Variants in BCAS1 observed in about 807,000 individuals in gnomAD.
The protein encoded by BCAS1 is brain enriched myelin associated protein 1.
A neutral mutation model predicts 65.4 loss-of-function variants in BCAS1; 46 were observed. That is an observed-to-expected ratio of 0.70 (90% CI 0.55 to 0.90). The LOEUF is 0.90. Among genes scored for constraint, BCAS1 ranks in the 40% least tolerant of loss-of-function variants. The probability of loss-of-function intolerance (pLI) is 0.00; values close to 1 mark genes in which losing one functional copy is unlikely to be tolerated. For missense variants in BCAS1, 793 were observed against 771.2 expected, an observed-to-expected ratio of 1.03 and a Z score of -0.33; for synonymous variants, 298 against 293.5, an observed-to-expected ratio of 1.02 and a Z score of -0.16.
intron 9 of BCAS1, among the ~76,000 whole-genome samples, chr20:53,973,248 A>G (rs1654884899): frequency 6.6e-6 from 1 of 152,156 alleles, no homozygotes. Context: ...AAACAAACAC[A>G]CAAACAGAAA....
intron 11 of BCAS1, among the ~76,000 whole-genome samples, chr20:53,954,556 T>A (rs1435995776): frequency 6.6e-6 from 1 of 152,240 alleles, no homozygotes; most frequent in East Asian, 1.9e-4. Flanking sequence ...GATGATTGTT[T>A]TATTAGTTTG....
chr20:53,996,497 A>G (rs1032878128), intron 4 of BCAS1, among the ~76,000 whole-genome samples: 19 of 151,926 alleles, frequency 1.3e-4, no homozygotes, highest in African/African-American at 9.7e-5. Flanking sequence ...AAGAAAAAGA[A>G]AAAGTACTGG....
chr20:53,993,611 C>A (rs1294352129), intron 6 of BCAS1, among the ~76,000 whole-genome samples: 1 of 152,122 alleles, frequency 6.6e-6, no homozygotes, highest in Non-Finnish European at 1.5e-5. Flanking sequence ...AGAATGAGTG[C>A]ATCAGGTCAC....
chr20:53,946,171 G>A (rs1225757947), intron 12 of BCAS1, among the ~76,000 whole-genome samples: 4 of 151,908 alleles, frequency 2.6e-5, no homozygotes, highest in African/African-American at 4.8e-5. Flanking sequence ...TATGAGGTTA[G>A]ACCAACACAA....
rs1190491434 is a variant in BCAS1 at position 54,028,871 on chromosome 20, T to G, written c.244A>C (p.Lys82Gln). 1 of 1,613,936 alleles carries G rather than the reference T, an allele frequency of 6.2e-7. No homozygotes were observed. The highest frequency in any genetic ancestry group is 2.2e-5 in the East Asian group (1 of 44,856). ...GCTGGTGCCTCGGGTTTGGCCTCTTTCCCAAGATTCTTTCCGTTGGCATCC... is the reference window on the plus strand; with the variant it reads ...GCTGGTGCCTCGGGTTTGGCCTCTTGCCCAAGATTCTTTCCGTTGGCATCC... Reference protein sequence around the residue: ...VADANGKNLGKEAKPEAPAAK... With the variant: ...VADANGKNLGQEAKPEAPAAK... The change falls in exon 4 of 13, where the codon AAA becomes CAA. Residue 82 changes from lysine (K) to glutamine (Q), a missense_variant. By Grantham distance (53) the Lys-to-Gln change is moderately conservative (BLOSUM62 1). Transcript: ENST00000688948.
At chr20:54,054,632 C>T (rs2092268771) in intron 3 of BCAS1, among the ~76,000 whole-genome samples, 1 of 152,182 alleles carries the variant, frequency 6.6e-6, no homozygotes, top group Non-Finnish European at 1.5e-5. Flanking sequence ...GGCAAAATTG[C>T]TACCTCGGGA....
intron 3 of BCAS1, among the ~76,000 whole-genome samples, chr20:54,049,571 C>CT (rs781612789): frequency 0.085 from 12,133 of 143,460 alleles, 947 homozygotes; most frequent in African/African-American, 0.22. Flanking sequence ...ATAGCCTCTA[C>CT]TTTTTTTTTT....
intron 3 of BCAS1, among the ~76,000 whole-genome samples, chr20:54,042,705 G>A (rs567765205): frequency 1.3e-5 from 2 of 152,212 alleles, no homozygotes; most frequent in African/African-American, 2.4e-5. Context: ...TATGTATATC[G>A]CTCAGAATGT....
At chr20:53,957,728 T>G (rs547459643) in intron 10 of BCAS1, among the ~76,000 whole-genome samples, 14 of 152,184 alleles carry the variant, frequency 9.2e-5, no homozygotes, top group Non-Finnish European at 1.9e-4. Flanking sequence ...ACAAAAGTAC[T>G]AAATCCTGGA....
intron 10 of BCAS1, among the ~76,000 whole-genome samples, chr20:53,965,178 T>G (rs925413718): frequency 6.6e-6 from 1 of 152,244 alleles, no homozygotes; most frequent in Non-Finnish European, 1.5e-5. Flanking sequence ...GATTCTACAC[T>G]TTTTACTCCA....
At chr20:54,001,613 T>A (rs1256511548) in intron 4 of BCAS1, among the ~76,000 whole-genome samples, 7 of 152,102 alleles carry the variant, frequency 4.6e-5, no homozygotes, top group Non-Finnish European at 8.8e-5. Context: ...CAAGAGGACA[T>A]CTCTGATGTC....
chr20:54,060,009 A>G (rs1006346390), intron 1 of BCAS1, among the ~76,000 whole-genome samples: 1 of 152,224 alleles, frequency 6.6e-6, no homozygotes, highest in African/African-American at 2.4e-5. Context: ...TATGGTGCAC[A>G]GGGAGAGAGT....
intron 1 of BCAS1, among the ~76,000 whole-genome samples, chr20:54,069,120 T>C (rs2092482199): frequency 6.6e-6 from 1 of 152,056 alleles, no homozygotes; most frequent in African/African-American, 2.4e-5. Context: ...CCCCGCCCCG[T>C]CTGTTGTCTT....
intron 4 of BCAS1, among the ~76,000 whole-genome samples, chr20:54,011,869 TAAA>T (rs2145962876): frequency 6.6e-6 from 1 of 152,206 alleles, no homozygotes; most frequent in African/African-American, 2.4e-5. Flanking sequence ...AAACTTAAAA[TAAA>T]TAAATAAATA....
chr20:54,031,224 C>T (rs186907247), intron 3 of BCAS1, among the ~76,000 whole-genome samples: 1 of 151,410 alleles, frequency 6.6e-6, no homozygotes, highest in South Asian at 2.1e-4. Context: ...CATGGACAAC[C>T]TTTTTTATTT....
At chr20:53,973,314 T>C (rs1046937387) in intron 9 of BCAS1, among the ~76,000 whole-genome samples, 7 of 152,298 alleles carry the variant, frequency 4.6e-5, no homozygotes, top group African/African-American at 1.7e-4. Flanking sequence ...CAGTGTTAAG[T>C]CATTTAAGGC....
intron 1 of BCAS1, among the ~76,000 whole-genome samples, chr20:54,059,705 C>T (rs984892618): frequency 2.0e-5 from 3 of 152,170 alleles, no homozygotes; most frequent in Non-Finnish European, 4.4e-5. Context: ...ACCTATCGTT[C>T]CTAGGCCACT....
Position 54,028,696 on chromosome 20 carries a change from A to T in BCAS1, c.419T>A (p.Leu140His), listed in dbSNP as rs778338321. 1.2e-6 allele frequency: 2 copies of T among 1,614,024 alleles called. No individual in the cohort carries two copies. Among genetic ancestry groups the T allele is most frequent in the African/African-American group, 2.7e-5 (2 of 74,904 alleles). ...CTGCCCCGGTCCAGCTGCCACCGGA[A>T]GTGTCCAGCTCTCACTTGGGTCTTT... The part of the protein sequence containing the change: ...ANKDPSESWT[L>H]PVAAGPGQDT... The change falls in exon 4 of 13, where the codon CTT (leucine) becomes CAT (histidine). Residue 140 changes from leucine to histidine, a missense_variant. Physicochemically the swap from Leu to His is moderately conservative, Grantham distance 99. Coordinates refer to ENST00000688948, the MANE Select transcript of BCAS1 (RefSeq NM_001366298.2).
At position 54,028,726 on chromosome 20, in the gene BCAS1, G is replaced by T. The variant is rs201121458; in HGVS notation, c.389C>A (p.Ala130Glu). Reference sequence around the variant, plus strand: ...CCAGCTCTCACTTGGGTCTTTGTTCGCTGGAGCTTTATTGGAGCTGACATC... The same window carrying T: ...CCAGCTCTCACTTGGGTCTTTGTTCTCTGGAGCTTTATTGGAGCTGACATC... ...KLDVSSNKAP[A>E]NKDPSESWTL... Residue 130 changes from alanine to glutamate, a missense_variant, in exon 4 of 13, where the codon GCG becomes GAG. Transcript: ENST00000688948. The T allele has an allele frequency of 1.9e-6, 3 of 1,614,050 alleles. No homozygotes were observed. The Admixed American group carries it at 5.0e-5, about 27-fold the overall frequency.
Sources: gnomAD v4.1 joint callset for allele counts (sites outside exome capture counted in the v4.1 genomes callset) on GRCh38, gnomAD v4.1.1 for gene constraint, MANE v1.5 for transcripts, NCBI Gene and HGNC (gene_info 2026-07-23, HGNC 2026-07-21) for gene names.